Variants in PDE10A observed in about 807,000 individuals in gnomAD.
The protein encoded by PDE10A is cAMP and cAMP-inhibited cGMP 3',5'-cyclic phosphodiesterase 10A.
A neutral mutation model predicts 97.7 loss-of-function variants in PDE10A; 39 were observed. The ratio of observed to expected loss-of-function variants is 0.40; its 90% confidence interval spans 0.31 to 0.52. The LOEUF (loss-of-function observed/expected upper bound fraction) is 0.52. Among genes scored for constraint, PDE10A ranks in the 20% least tolerant of loss-of-function variants. PDE10A has a pLI of 0.56. For synonymous variants in PDE10A, 371 were observed against 376.8 expected (o/e 0.98, Z 0.18); for missense variants, 731 against 1,047.8 (o/e 0.70, Z 4.17).
intron 1 of PDE10A, among the ~76,000 whole-genome samples, chr6:165,827,324 G>A (rs1449902745): frequency 2.0e-5 from 3 of 152,164 alleles, no homozygotes; most frequent in South Asian, 2.1e-4. Context: ...GGGGGCACCC[G>A]GTGTCCAGCT....
chr6:165,704,410 A>G (rs1328383245), intron 1 of PDE10A, among the ~76,000 whole-genome samples: 1 of 152,184 alleles, frequency 6.6e-6, no homozygotes, highest in African/African-American at 2.4e-5. Context: ...CATCAGCAAA[A>G]ATGCGCAGCA....
At chr6:165,813,690 T>C (rs970374079) in intron 1 of PDE10A, among the ~76,000 whole-genome samples, 1 of 152,138 alleles carries the variant, frequency 6.6e-6, no homozygotes, top group Non-Finnish European at 1.5e-5. Flanking sequence ...AATGTAATTT[T>C]AATTTATTCA....
chr6:165,711,455 T>C lies in PDE10A; in HGVS notation c.-614-167887A>G, dbSNP rs1791893364. On this transcript the variant is annotated intron_variant, in intron 1 of 19. Coordinates refer to the PDE10A transcript ENST00000366882. The surrounding 1 kb of genome is among the most constrained non-coding windows in gnomAD (Gnocchi z 4.5). ...GTTAGCTAGAACACCCTGCTTCTGG[T>C]CTTGTCTGGTGGACTCTGCGAGTTA... Among the ~76,000 whole-genome samples the C allele has an allele frequency of 6.6e-6, 1 of 152,140 alleles. No individual in the cohort carries two copies. Among genetic ancestry groups the C allele is most frequent in the South Asian group, 2.1e-4 (1 of 4,826 alleles).
chr6:165,910,341 C>T (rs1782416946), intron 1 of PDE10A, among the ~76,000 whole-genome samples: 1 of 152,162 alleles, frequency 6.6e-6, no homozygotes, highest in African/African-American at 2.4e-5. Context: ...ATTCCAACTC[C>T]CTCCCTGACG....
intron 1 of PDE10A, among the ~76,000 whole-genome samples, chr6:165,707,650 G>C (rs1161363496): frequency 6.6e-6 from 1 of 151,836 alleles, no homozygotes; most frequent in Non-Finnish European, 1.5e-5. Flanking sequence ...CGCATGTTTG[G>C]GTATATGTGA....
In PDE10A at chr6:165,418,599, C is replaced by A; in HGVS notation, c.1796+36G>T. 1 of 1,599,068 alleles carries A rather than the reference C, an allele frequency of 6.3e-7. No homozygotes were observed. Among genetic ancestry groups the A allele is most frequent in the African/African-American group, 1.3e-5 (1 of 74,654 alleles). Reference sequence around the variant, plus strand: ...GGGTAACGGAACGCCTGCACATCTACCGTAAGAGGATAGGACATTCTACTT... The same window carrying A: ...GGGTAACGGAACGCCTGCACATCTAACGTAAGAGGATAGGACATTCTACTT... On this transcript the variant is annotated intron_variant, in intron 11 of 21. Transcript: ENST00000539869. This position sits in a 1 kb window ranked among gnomAD's most constrained non-coding sequence, Gnocchi z 4.8.
intron 3 of PDE10A, among the ~76,000 whole-genome samples, chr6:165,456,178 T>C (rs1055266585): frequency 3.3e-5 from 5 of 152,200 alleles, no homozygotes; most frequent in African/African-American, 1.2e-4. Flanking sequence ...TACCCCACAG[T>C]CTTTAAAAGG....
At chr6:165,581,332 T>C (rs551996801) in intron 1 of PDE10A, among the ~76,000 whole-genome samples, 132 of 152,282 alleles carry the variant, frequency 8.7e-4, no homozygotes, top group African/African-American at 2.9e-3. Context: ...GCAGGGTCCT[T>C]GGGAGGTAAT....
intron 1 of PDE10A, among the ~76,000 whole-genome samples, chr6:165,687,783 C>T (rs1791161899): frequency 6.6e-6 from 1 of 152,200 alleles, no homozygotes; most frequent in Admixed American, 6.5e-5. Flanking sequence ...TTTAAACAAA[C>T]ACTACATGGT....
At chr6:165,958,747 G>GAA (rs10654760) in intron 1 of PDE10A, among the ~76,000 whole-genome samples, 19,649 of 105,356 alleles carry the variant, frequency 0.19, 2,838 homozygotes, top group Middle Eastern at 0.25. Context: ...AAGAAAGAAA[G>GAA]AGAAAGAAAG....
intron 1 of PDE10A, among the ~76,000 whole-genome samples, chr6:165,777,245 T>G (rs1248065141): frequency 1.3e-5 from 2 of 152,148 alleles, no homozygotes; most frequent in Non-Finnish European, 2.9e-5. Flanking sequence ...TGCATTTGGG[T>G]GGCAAGAATG....
chr6:165,653,603 C>T (rs1239231633), intron 1 of PDE10A, among the ~76,000 whole-genome samples: 5 of 152,178 alleles, frequency 3.3e-5, no homozygotes, highest in Non-Finnish European at 7.3e-5. Context: ...CATCCCGGGG[C>T]ACAGCTTTCC....
intron 1 of PDE10A, among the ~76,000 whole-genome samples, chr6:165,969,677 T>A (rs762634972): frequency 2.0e-5 from 3 of 152,184 alleles, no homozygotes; most frequent in Non-Finnish European, 4.4e-5. Flanking sequence ...TATGTATACA[T>A]GTCTCATCTC....
At chr6:165,472,236 G>A (rs889436319) in intron 3 of PDE10A, among the ~76,000 whole-genome samples, 12 of 151,852 alleles carry the variant, frequency 7.9e-5, no homozygotes, top group African/African-American at 2.9e-4. Context: ...CCTCAACATT[G>A]GCCATTTCAT....
chr6:165,586,115 C>A (rs188189758), intron 1 of PDE10A, among the ~76,000 whole-genome samples: 5 of 152,292 alleles, frequency 3.3e-5, no homozygotes, highest in Admixed American at 3.3e-4. Flanking sequence ...ACTCCCTGCC[C>A]CCCTTTTGCT....
chr6:165,457,428 T>C (rs1778023142), intron 3 of PDE10A, among the ~76,000 whole-genome samples: 1 of 152,222 alleles, frequency 6.6e-6, no homozygotes, highest in Admixed American at 6.5e-5. Flanking sequence ...TTTCATGTAG[T>C]ACTTGCGTTT....
chr6:165,408,332 G>C (rs1334987489), intron 13 of PDE10A, among the ~76,000 whole-genome samples: 1 of 152,212 alleles, frequency 6.6e-6, no homozygotes, highest in Non-Finnish European at 1.5e-5. Flanking sequence ...GGAACCCGCA[G>C]ATGTGATTGT....
chr6:165,536,757 A>T (rs1411801516), intron 2 of PDE10A, among the ~76,000 whole-genome samples: 2 of 152,092 alleles, frequency 1.3e-5, no homozygotes, highest in African/African-American at 4.8e-5. Flanking sequence ...GTGAGATATC[A>T]TCTTACCTCA....
At chr6:165,857,060 CA>C (rs771204139) in intron 1 of PDE10A, among the ~76,000 whole-genome samples, 3 of 152,160 alleles carry the variant, frequency 2.0e-5, no homozygotes, top group Non-Finnish European at 4.4e-5. Flanking sequence ...TGTTTTAATG[CA>C]AAAGTATTAA....
Sources: allele counts gnomAD v4.1 joint callset (sites outside exome capture counted in the v4.1 genomes callset), GRCh38; gene constraint gnomAD v4.1.1; non-coding constraint Gnocchi (gnomAD v3.1); transcripts MANE v1.5; gene names NCBI Gene and HGNC (gene_info 2026-07-23, HGNC 2026-07-21).